The following STRN variants were observed in gnomAD, a reference collection of about 807,000 sequenced individuals.
The protein encoded by STRN is protein phosphatase 2 regulatory subunit B'''alpha.
Under a neutral mutation model 96.3 loss-of-function variants are expected in STRN, and 53 were observed. The ratio of observed to expected loss-of-function variants is 0.55; its 90% CI spans 0.44 to 0.69. The LOEUF is 0.69. Ranked by LOEUF, STRN falls within the 30% of genes least tolerant of loss-of-function variation. The probability of loss-of-function intolerance (pLI) is 0.00; values close to 1 mark genes in which losing one functional copy is unlikely to be tolerated. For synonymous variants in STRN, 428 were observed against 355.9 expected (o/e 1.20, Z -2.28); for missense variants, 987 against 963.9 (o/e 1.02, Z -0.32).
chr2:36,905,184 G>A (rs989603148), intron 4 of STRN, among the ~76,000 whole-genome samples: 1 of 152,068 alleles, frequency 6.6e-6, no homozygotes, highest in Non-Finnish European at 1.5e-5. Context: ...GGTGAGGCTG[G>A]TCTCAAACTC....
intron 14 of STRN, among the ~76,000 whole-genome samples, 193 bp from the exon 15 acceptor site, chr2:36,855,545 C>T (rs116125323): frequency 0.013 from 2,052 of 152,260 alleles, 13 homozygotes; most frequent in Non-Finnish European, 0.021. Context: ...CTATTTATTT[C>T]CCTTACCTGC....
At chr2:36,872,582 T>C (rs1449108421) in intron 10 of STRN, among the ~76,000 whole-genome samples, 2 of 152,234 alleles carry the variant, frequency 1.3e-5, no homozygotes, top group Non-Finnish European at 2.9e-5. Flanking sequence ...TACATAGCCA[T>C]AGGTTACTGG....
In STRN at chr2:36,846,265, C is replaced by T. The variant is rs1199753247; in HGVS notation, c.*3191G>A. 3 of 148,986 alleles carry T rather than the reference C, an allele frequency of 2.0e-5. No individual in the cohort carries two copies. The highest frequency in any genetic ancestry group is 7.4e-5 in the African/African-American group (3 of 40,452). 9.2% of individuals were successfully genotyped at this position (148,986 alleles called of 1,614,324 possible). On this transcript the variant is annotated 3_prime_UTR_variant, in exon 18 of 18. Transcript: ENST00000263918. ...AATATTGTATATACAGTAATTTAAA[C>T]ACTTAGAACTATATATTATACTGCA...
chr2:36,963,752 T>C (rs1311203849), intron 1 of STRN, among the ~76,000 whole-genome samples: 1 of 152,100 alleles, frequency 6.6e-6, no homozygotes, highest in African/African-American at 2.4e-5. Context: ...AGGTCAGTAG[T>C]TCAAGACCAA....
intron 1 of STRN, among the ~76,000 whole-genome samples, chr2:36,961,725 A>G (rs529539795): frequency 1.1e-4 from 17 of 152,204 alleles, no homozygotes; most frequent in African/African-American, 4.1e-4. Flanking sequence ...TTTGCTTAAA[A>G]CATTCCGACG....
intron 1 of STRN, among the ~76,000 whole-genome samples, chr2:36,947,647 T>C (rs1482601477): frequency 1.3e-5 from 2 of 150,968 alleles, no homozygotes; most frequent in African/African-American, 2.4e-5. Context: ...AAAAATTCGA[T>C]GTTCTTTGAC....
chr2:36,894,936 T>A (rs1669499138), intron 6 of STRN, among the ~76,000 whole-genome samples: 1 of 152,126 alleles, frequency 6.6e-6, no homozygotes, highest in Non-Finnish European at 1.5e-5. Flanking sequence ...TCAGAAATCC[T>A]TCTCAGTACA....
At chr2:36,943,794 ACT>A (rs1354118129) in intron 1 of STRN, among the ~76,000 whole-genome samples, 1 of 150,588 alleles carries the variant, frequency 6.6e-6, no homozygotes, top group Non-Finnish European at 1.5e-5. Context: ...ACAGAACGAG[ACT>A]CTGTCTCAAA....
At chr2:36,943,830 A>C (rs1407520721) in intron 1 of STRN, among the ~76,000 whole-genome samples, 1 of 152,038 alleles carries the variant, frequency 6.6e-6, no homozygotes, top group Non-Finnish European at 1.5e-5. Flanking sequence ...GTTTAAAACA[A>C]ACTTGGCCGA....
chr2:36,876,068 A>G (rs1668901464), intron 10 of STRN, among the ~76,000 whole-genome samples: 1 of 152,124 alleles, frequency 6.6e-6, no homozygotes, highest in Non-Finnish European at 1.5e-5. Context: ...TAGGAGTTTG[A>G]GACCAGTCTG....
At chr2:36,946,893 C>A (rs947505411) in intron 1 of STRN, among the ~76,000 whole-genome samples, 1 of 151,606 alleles carries the variant, frequency 6.6e-6, no homozygotes, top group Non-Finnish European at 1.5e-5. Context: ...ACCAAACTTA[C>A]AAAAATTTCT....
At position 36,849,494 on chromosome 2, in the gene STRN, T is replaced by C; in HGVS notation, c.2305A>G (p.Ser769Gly). The C allele has an allele frequency of 6.2e-7, 1 of 1,614,186 alleles. No homozygotes were observed. Among genetic ancestry groups the C allele is most frequent in the Non-Finnish European group, 8.5e-7 (1 of 1,180,008 alleles). Residue 769 changes from serine to glycine, a missense_variant, in exon 18 of 18, where the codon AGT becomes GGT. Ser to Gly is a moderately conservative substitution (Grantham distance 56). Coordinates refer to ENST00000263918, the MANE Select transcript of STRN (RefSeq NM_003162.4). Reference protein sequence around the residue: ...AFHPSKCYIASAGADALAKVF... With the variant: ...AFHPSKCYIAGAGADALAKVF... ...TTAGCCAGTGCGTCAGCTCCAGCAC[T>C]GGCTATATAGCATTTGGATGGGTGG...
chr2:36,920,563 G>A (rs903102971), intron 2 of STRN, among the ~76,000 whole-genome samples: 4 of 151,526 alleles, frequency 2.6e-5, no homozygotes, highest in African/African-American at 9.7e-5. Flanking sequence ...TCTTGAACTC[G>A]GGAGGTGCAG....
chr2:36,936,460 G>A (rs576647304), intron 1 of STRN, among the ~76,000 whole-genome samples: 1 of 152,256 alleles, frequency 6.6e-6, no homozygotes, highest in Non-Finnish European at 1.5e-5. Context: ...TATATTCTGT[G>A]AAGTATTAAC....
chr2:36,861,463 C>T (rs1668477613), intron 12 of STRN, among the ~76,000 whole-genome samples: 1 of 152,080 alleles, frequency 6.6e-6, no homozygotes, highest in African/African-American at 2.4e-5. Flanking sequence ...CAAATCCAAC[C>T]ACTGGTCTGT....
At chr2:36,851,472 G>T (rs1251051904) in intron 15 of STRN, among the ~76,000 whole-genome samples, 1 of 151,960 alleles carries the variant, frequency 6.6e-6, no homozygotes, top group Non-Finnish European at 1.5e-5. Context: ...GTCAGAGCGA[G>T]ACTCCATTTC....
chr2:36,879,957 C>T (rs1389264876), intron 9 of STRN, among the ~76,000 whole-genome samples: 1 of 151,532 alleles, frequency 6.6e-6, no homozygotes, highest in African/African-American at 2.4e-5. Context: ...GGGCAAGACC[C>T]CTATATCTTA....
intron 1 of STRN, among the ~76,000 whole-genome samples, chr2:36,936,313 G>C (rs1035778667): frequency 1.3e-4 from 20 of 152,028 alleles, no homozygotes; most frequent in African/African-American, 4.8e-4. Flanking sequence ...CTTTCAGATT[G>C]GATTCTGTTT....
intron 15 of STRN, among the ~76,000 whole-genome samples, chr2:36,851,533 T>G (rs1572621051): frequency 6.6e-6 from 1 of 152,128 alleles, no homozygotes; most frequent in East Asian, 1.9e-4. Flanking sequence ...TGACTTTCAT[T>G]ATTTGTCTTT....
Sources: gnomAD v4.1 joint callset for allele counts (sites outside exome capture counted in the v4.1 genomes callset) on GRCh38, gnomAD v4.1.1 for gene constraint, MANE v1.5 for transcripts, NCBI Gene and HGNC (gene_info 2026-07-23, HGNC 2026-07-21) for gene names.